The following SLC36A1 variants were observed in gnomAD, a reference collection of about 807,000 sequenced individuals.
SLC36A1 encodes the protein proton-coupled amino acid transporter 1.
A neutral mutation model predicts 47.5 loss-of-function variants in SLC36A1; 30 were observed. The ratio of observed to expected loss-of-function variants is 0.63; its 90% CI spans 0.47 to 0.86. The LOEUF is 0.86. SLC36A1 is among the 40% of genes least tolerant of loss of function. The probability of loss-of-function intolerance (pLI) is 0.00; values close to 1 mark genes in which losing one functional copy is unlikely to be tolerated. For synonymous variants in SLC36A1, 255 were observed against 249.7 expected, an observed-to-expected ratio of 1.02 and a Z score of -0.20; for missense variants, 517 against 606.0, an observed-to-expected ratio of 0.85 and a Z score of 1.54.
At chr5:151,541,573 G>C in the SLC36A1 span, among the ~76,000 whole-genome samples, 2 of 152,176 alleles carry the variant, frequency 1.3e-5, no homozygotes, top group East Asian at 3.8e-4. Context: ...GGGGGACATG[G>C]CACCTGGGGA....
downstream of SLC36A1, among the ~76,000 whole-genome samples, chr5:151,495,074 C>T (rs1225160148): frequency 6.6e-6 from 1 of 152,168 alleles, no homozygotes; most frequent in Non-Finnish European, 1.5e-5. Flanking sequence ...AAATTATTTT[C>T]CAAAGTGGCC....
the SLC36A1 span, among the ~76,000 whole-genome samples, chr5:151,535,562 C>T: frequency 1.1e-4 from 17 of 152,200 alleles, no homozygotes; most frequent in African/African-American, 4.1e-4. Flanking sequence ...CACCTCTCTT[C>T]ACCTGTATCC....
the SLC36A1 span, chr5:151,378,111 T>C: frequency 3.1e-5 from 11 of 349,546 alleles, no homozygotes; most frequent in Non-Finnish European, 6.2e-5. Context: ...AATTTCCACA[T>C]TGGTACAAAC....
chr5:151,459,457 C>T (rs1431611820), intron 2 of SLC36A1, among the ~76,000 whole-genome samples: 1 of 152,156 alleles, frequency 6.6e-6, no homozygotes, highest in African/African-American at 2.4e-5. Context: ...AAACTGGGAC[C>T]CCAGACTCAT....
At chr5:151,445,341 A>C (rs997434835), upstream of SLC36A1, among the ~76,000 whole-genome samples, 1 of 152,234 alleles carries the variant, frequency 6.6e-6, no homozygotes, top group African/African-American at 2.4e-5. Flanking sequence ...CCACTTGGTC[A>C]TGATACATAA....
At chr5:151,362,114 CT>C in the SLC36A1 span, among the ~76,000 whole-genome samples, 1 of 152,208 alleles carries the variant, frequency 6.6e-6, no homozygotes, top group South Asian at 2.1e-4. Flanking sequence ...TCTTTTTCAA[CT>C]TTTGAAAAGT....
chr5:151,493,358 A>T (rs7714533), downstream of SLC36A1, among the ~76,000 whole-genome samples: 5,781 of 152,216 alleles, frequency 0.038, 350 homozygotes, highest in African/African-American at 0.13. Flanking sequence ...ATCCCACAGG[A>T]CGAGGGCTCA....
chr5:151,475,576 G>T (rs1757935865), intron 8 of SLC36A1, among the ~76,000 whole-genome samples: 1 of 152,208 alleles, frequency 6.6e-6, no homozygotes. Context: ...CTGCCCTCTG[G>T]CTCTTTGTAT....
At chr5:151,554,282 C>A in the SLC36A1 span, 1 of 1,338,020 alleles carries the variant, frequency 7.5e-7, no homozygotes, top group South Asian at 1.4e-5. Flanking sequence ...GGTGGGCTGT[C>A]TCCCTCCTCC....
chr5:151,532,574 C>T, the SLC36A1 span, among the ~76,000 whole-genome samples: 1 of 152,200 alleles, frequency 6.6e-6, no homozygotes, highest in African/African-American at 2.4e-5. Context: ...GGCACACAGT[C>T]CCCACCAGTC....
chr5:151,377,239 T>C, the SLC36A1 span, among the ~76,000 whole-genome samples: 1 of 152,048 alleles, frequency 6.6e-6, no homozygotes, highest in African/African-American at 2.4e-5. Context: ...TGGCCTAGAG[T>C]CCAGTTTGAG....
At chr5:151,481,756 G>A (rs1337749502) in intron 10 of SLC36A1, among the ~76,000 whole-genome samples, 2 of 152,130 alleles carry the variant, frequency 1.3e-5, no homozygotes, top group African/African-American at 4.8e-5. Flanking sequence ...GAGAAGAGGG[G>A]GAGGGAAAAC....
At chr5:151,422,844 A>G in the SLC36A1 span, among the ~76,000 whole-genome samples, 2 of 152,214 alleles carry the variant, frequency 1.3e-5, no homozygotes, top group Admixed American at 1.3e-4. Flanking sequence ...TGGAAGGCTG[A>G]GGCAGGAGAA....
the SLC36A1 span, chr5:151,544,316 T>C: frequency 1.9e-6 from 3 of 1,614,130 alleles, no homozygotes; most frequent in Non-Finnish European, 2.5e-6. Flanking sequence ...TGGGAAAAAG[T>C]GGGAGGGTTA....
At chr5:151,351,287 C>G in the SLC36A1 span, among the ~76,000 whole-genome samples, 1 of 152,040 alleles carries the variant, frequency 6.6e-6, no homozygotes, top group Admixed American at 6.6e-5. Context: ...GGGACTTTAA[C>G]CCAGCCCAGG....
the SLC36A1 span, among the ~76,000 whole-genome samples, chr5:151,399,084 A>ATATATATTTTTTTTT: frequency 5.7e-4 from 34 of 60,036 alleles, no homozygotes; most frequent in African/African-American, 1.6e-3. Context: ...ATATATATAT[A>ATATATATTTTTTTTT]TTTTTTTTTT....
At chr5:151,421,580 C>CTTTT in the SLC36A1 span, among the ~76,000 whole-genome samples, 2 of 134,940 alleles carry the variant, frequency 1.5e-5, no homozygotes, top group African/African-American at 5.4e-5. Context: ...TTCTTTCTTT[C>CTTTT]TTTTTTTTTT....
At chr5:151,406,274 G>A in the SLC36A1 span, among the ~76,000 whole-genome samples, 1 of 152,130 alleles carries the variant, frequency 6.6e-6, no homozygotes, top group Non-Finnish European at 1.5e-5. Flanking sequence ...AGCAGGCTTC[G>A]AAGTATGTCT....
the SLC36A1 span, chr5:151,542,388 T>A: frequency 4.1e-5 from 66 of 1,614,062 alleles, no homozygotes; most frequent in Non-Finnish European, 5.1e-5. Flanking sequence ...CAACCACAGA[T>A]CCTCTGTACT....
Sources: allele counts gnomAD v4.1 joint callset (sites outside exome capture counted in the v4.1 genomes callset), GRCh38; gene constraint gnomAD v4.1.1; transcripts MANE v1.5; gene names NCBI Gene and HGNC (gene_info 2026-07-23, HGNC 2026-07-21).